FAM216A: variants seen among roughly 807,000 people sequenced by gnomAD.
FAM216A encodes the protein family with sequence similarity 216 member A.
FAM216A carries 26 observed loss-of-function variants against 37.6 expected under a neutral mutation model. That is an observed-to-expected ratio of 0.69 (90% CI 0.51 to 0.96). The LOEUF is 0.96. Among genes scored for constraint, FAM216A ranks in the 40% least tolerant of loss-of-function variants. The pLI, the probability that FAM216A is intolerant of heterozygous loss-of-function variation, is 0.00. For missense variants in FAM216A, 326 were observed against 339.3 expected, an observed-to-expected ratio of 0.96 and a Z score of 0.31; for synonymous variants, 110 against 121.7, an observed-to-expected ratio of 0.90 and a Z score of 0.64.
chr12:110,468,770 G>A, upstream of FAM216A: 3 of 1,473,058 alleles, frequency 2.0e-6, no homozygotes, highest in Non-Finnish European at 2.7e-6. Context: ...CTCTCCCGAA[G>A]CTGTTCGGGC....
intron 1 of FAM216A, among the ~76,000 whole-genome samples, chr12:110,469,648 T>G (rs2062668790): frequency 6.6e-6 from 1 of 152,032 alleles, no homozygotes; most frequent in Non-Finnish European, 1.5e-5. Flanking sequence ...TAGCTGGGAT[T>G]ACAGGCGCCT....
At chr12:110,482,751 C>T (rs1304578973) in intron 2 of FAM216A, among the ~76,000 whole-genome samples, 17 of 149,546 alleles carry the variant, frequency 1.1e-4, no homozygotes, top group African/African-American at 3.2e-4. Context: ...GCCGAAATGG[C>T]GCCACTGCAA....
intron 2 of FAM216A, among the ~76,000 whole-genome samples, chr12:110,483,911 C>A (rs1012877270): frequency 2.0e-5 from 3 of 152,116 alleles, no homozygotes; most frequent in African/African-American, 7.2e-5. Context: ...GTTAATACTA[C>A]ATCTCCAAAG....
chr12:110,483,862 T>G (rs901345069), intron 2 of FAM216A, among the ~76,000 whole-genome samples: 1 of 152,080 alleles, frequency 6.6e-6, no homozygotes, highest in African/African-American at 2.4e-5. Flanking sequence ...ACTGAAACTA[T>G]GTAAAAATAA....
At position 110,473,084 on chromosome 12, in the gene FAM216A, TG is replaced by T; in HGVS notation, c.152del (p.Gly51AspfsTer20). The T allele has an allele frequency of 6.4e-7, 1 of 1,553,694 alleles. No individual in the cohort carries two copies. The highest frequency in any genetic ancestry group is 8.8e-7 in the Non-Finnish European group (1 of 1,136,764). The stretch of plus-strand genomic sequence containing the variant: ...TGCTTTATTTTTTCAACAGATCAGC[TG>T]GATACTCTTGTTACCAGAATTCCAA... The part of the protein sequence containing the change: ...GTEGGGGGSA[G>X]YSCYQNSKGS... On this transcript the variant is annotated frameshift_variant, in exon 2 of 7. Coordinates refer to ENST00000377673, the MANE Select transcript of FAM216A (RefSeq NM_013300.3). LOFTEE classifies it high-confidence loss of function.
chr12:110,484,134 T>C lies in FAM216A; in HGVS notation c.185-944T>C, dbSNP rs575694477. 4.0e-5 allele frequency among the ~76,000 whole-genome samples: 6 copies of C among 150,416 alleles called. No individual in the cohort carries two copies. In the East Asian group the frequency reaches 1.2e-3, roughly 30 times the overall value. On this transcript the variant is annotated intron_variant, in intron 2 of 6. Transcript: ENST00000377673. ...TCTTAAAAAAAGATTTAAAAAACTA[T>C]ATACTAAAGTTAGGCCGGGCGCCGT...
chr12:110,472,648 A>G (rs1481262335), intron 1 of FAM216A, among the ~76,000 whole-genome samples: 1 of 152,176 alleles, frequency 6.6e-6, no homozygotes, highest in Admixed American at 6.6e-5. Flanking sequence ...TGATGGAAAC[A>G]TGAAAAGTAA....
At chr12:110,474,087 C>T (rs571551284) in intron 2 of FAM216A, among the ~76,000 whole-genome samples, 1 of 152,092 alleles carries the variant, frequency 6.6e-6, no homozygotes, top group South Asian at 2.1e-4. Flanking sequence ...AAAAAATATA[C>T]AGACATATAT....
At chr12:110,476,187 G>T (rs568454531) in intron 2 of FAM216A, among the ~76,000 whole-genome samples, 2 of 151,446 alleles carry the variant, frequency 1.3e-5, no homozygotes, top group South Asian at 4.2e-4. Flanking sequence ...TTTATGAATA[G>T]CATTCAGTTG....
rs1419498676 is a variant in FAM216A, at chr12:110,485,177, T to C, written c.284T>C (p.Met95Thr). The part of the protein sequence containing the change: ...QNQTIHLSKS[M>T]MEASFFKHPD... ...CAAACAATCCACCTCTCTAAATCAA[T>C]GATGGAGGCGTCCTTTTTCAAGGTA... The change falls in exon 3 of 7, where the codon ATG (methionine) becomes ACG (threonine). Residue 95 changes from methionine (M) to threonine (T), a missense_variant. Met to Thr is a moderately conservative substitution (Grantham distance 81). Transcript: ENST00000377673. 1.9e-6 allele frequency: 3 copies of C among 1,611,198 alleles called. No homozygotes were observed. In the Admixed American group the frequency reaches 5.1e-5, roughly 27 times the overall value.
intron 6 of FAM216A, 43 bp downstream of exon 6, chr12:110,487,986 T>C (rs1251189717): frequency 9.0e-7 from 1 of 1,106,214 alleles, no homozygotes. Context: ...TAAGATCTTA[T>C]GCTTAAAAAT....
chr12:110,474,019 A>T (rs2062701737), intron 2 of FAM216A, among the ~76,000 whole-genome samples: 1 of 152,178 alleles, frequency 6.6e-6, no homozygotes, highest in African/African-American at 2.4e-5. Context: ...GTGATACATA[A>T]ACCTGGGTTC....
rs74508108 is a variant in FAM216A, at chr12:110,484,166, C to T, written c.185-912C>T. Among the ~76,000 whole-genome samples the T allele has an allele frequency of 5.3e-5, 8 of 151,668 alleles. No homozygotes were observed. The East Asian group carries it at 7.9e-4, about 15-fold the overall frequency. ...AAGTTAGGCCGGGCGCCGTGGCTCA[C>T]GCCTGTAATCCCAGCACTTTGGGAG... On this transcript the variant is annotated intron_variant, in intron 2 of 6. Transcript: ENST00000377673.
chr12:110,474,173 G>C (rs1470559630), intron 2 of FAM216A, among the ~76,000 whole-genome samples: 1 of 151,918 alleles, frequency 6.6e-6, no homozygotes, highest in Non-Finnish European at 1.5e-5. Flanking sequence ...CATTAATTTA[G>C]ATTCCTCACC....
intron 2 of FAM216A, among the ~76,000 whole-genome samples, chr12:110,484,449 A>AC (rs2062765322): frequency 4.7e-5 from 7 of 149,854 alleles, no homozygotes; most frequent in African/African-American, 1.7e-4. Context: ...AAAAAAAAAA[A>AC]AAAAAACTAT....
At chr12:110,481,817 TG>T (rs1316097375) in intron 2 of FAM216A, among the ~76,000 whole-genome samples, 1 of 152,156 alleles carries the variant, frequency 6.6e-6, no homozygotes, top group Non-Finnish European at 1.5e-5. Context: ...GTTTACAACT[TG>T]AAAAAGGATT....
At position 110,486,728 on chromosome 12, in the gene FAM216A, T is replaced by C; in HGVS notation, c.620+11T>C. 1 of 1,605,190 alleles carries C rather than the reference T, an allele frequency of 6.2e-7. No homozygotes were observed. The highest frequency in any genetic ancestry group is 1.3e-5 in the African/African-American group (1 of 74,480). Reference sequence around the variant, plus strand: ...GAGAAACAAAGAAGGGTCTGTTTCTTAGTGTAAAAGGGGGGAAATGCATCT... The same window carrying C: ...GAGAAACAAAGAAGGGTCTGTTTCTCAGTGTAAAAGGGGGGAAATGCATCT... On this transcript the variant is annotated intron_variant, in intron 5 of 6. Transcript: ENST00000377673.
chr12:110,477,404 G>T (rs2135546156), intron 2 of FAM216A, among the ~76,000 whole-genome samples: 1 of 152,318 alleles, frequency 6.6e-6, no homozygotes, highest in South Asian at 2.1e-4. Flanking sequence ...CTAGGCTGGA[G>T]TGCAGTGGTG....
At chr12:110,487,426 T>C (rs771487891) in intron 5 of FAM216A, 7 of 156,918 alleles carry the variant, frequency 4.5e-5, no homozygotes, top group Middle Eastern at 3.0e-3. Flanking sequence ...TGAGCCACCA[T>C]GCCTAGCCGA....
Sources: allele counts gnomAD v4.1 joint callset (sites outside exome capture counted in the v4.1 genomes callset), GRCh38; gene constraint gnomAD v4.1.1; transcripts MANE v1.5; gene names NCBI Gene and HGNC (gene_info 2026-07-23, HGNC 2026-07-21).